The following ERC1 variants were observed in gnomAD, a reference collection of about 807,000 sequenced individuals.
ERC1 encodes the protein ELKS/RAB6-interacting/CAST family member 1.
A neutral mutation model predicts 132.0 loss-of-function variants in ERC1; 56 were observed. That is an observed-to-expected ratio of 0.42 (90% confidence interval 0.34 to 0.53). ERC1 has a LOEUF of 0.53. ERC1 is among the 20% of genes least tolerant of loss of function. The pLI, the probability that ERC1 is intolerant of heterozygous loss-of-function variation, is 0.03. For synonymous variants in ERC1, 478 were observed against 476.1 expected (o/e 1.00, Z -0.05); for missense variants, 1,202 against 1,349.9 (o/e 0.89, Z 1.72).
At chr12:1,227,610 A>C (rs1318833292) in intron 12 of ERC1, among the ~76,000 whole-genome samples, 2 of 151,898 alleles carry the variant, frequency 1.3e-5, no homozygotes, top group Non-Finnish European at 2.9e-5. Context: ...TTGTCTCTTT[A>C]CTCTGTTGAT....
At chr12:1,003,806 G>A (rs1482735165) in intron 1 of ERC1, among the ~76,000 whole-genome samples, 3 of 152,206 alleles carry the variant, frequency 2.0e-5, no homozygotes, top group African/African-American at 7.2e-5. Flanking sequence ...ATAAGCCAAA[G>A]GTTCCTGCTC....
At chr12:1,452,841 G>A (rs1308057488) in intron 18 of ERC1, among the ~76,000 whole-genome samples, 2 of 152,110 alleles carry the variant, frequency 1.3e-5, no homozygotes, top group African/African-American at 4.8e-5. Flanking sequence ...TTAGCATTGG[G>A]GACTGAATCA....
intron 12 of ERC1, among the ~76,000 whole-genome samples, chr12:1,221,140 T>G (rs1326282766): frequency 6.6e-6 from 1 of 152,208 alleles, no homozygotes; most frequent in Non-Finnish European, 1.5e-5. Flanking sequence ...CAGTGAGGGC[T>G]GAGATTTTTG....
intron 2 of ERC1, among the ~76,000 whole-genome samples, chr12:1,048,801 GTATAA>G (rs1340334223): frequency 5.9e-5 from 9 of 152,188 alleles, no homozygotes; most frequent in African/African-American, 1.7e-4. Flanking sequence ...AATTGCACTA[GTATAA>G]TATAATTACG....
At chr12:999,123 G>T (rs988289777) in intron 1 of ERC1, among the ~76,000 whole-genome samples, 4 of 152,140 alleles carry the variant, frequency 2.6e-5, no homozygotes, top group Non-Finnish European at 5.9e-5. Context: ...GCCTCCCAAA[G>T]TGTTGGGATT....
At chr12:1,384,649 C>T (rs1459159762) in intron 16 of ERC1, among the ~76,000 whole-genome samples, 1 of 152,036 alleles carries the variant, frequency 6.6e-6, no homozygotes, top group Non-Finnish European at 1.5e-5. Flanking sequence ...GAAGAAAGAA[C>T]ATCTATCATA....
At chr12:1,008,241 A>G (rs1291432524) in intron 1 of ERC1, among the ~76,000 whole-genome samples, 1 of 152,178 alleles carries the variant, frequency 6.6e-6, no homozygotes, top group African/African-American at 2.4e-5. Flanking sequence ...CGAGCTATTG[A>G]TGGTTGTGGT....
chr12:1,373,040 G>A (rs186874523), intron 16 of ERC1, among the ~76,000 whole-genome samples: 1 of 152,254 alleles, frequency 6.6e-6, no homozygotes, highest in East Asian at 1.9e-4. Context: ...TCTGCAGGAT[G>A]GATAGTTGAC....
chr12:1,289,739 A>T, intron 14 of ERC1, 113 bp from the exon 15 acceptor site: 1 of 729,034 alleles, frequency 1.4e-6, no homozygotes, highest in Non-Finnish European at 2.3e-6. Context: ...AGAATTTTCA[A>T]TGTGTTCCTG....
At chr12:1,250,796 A>G (rs2076424856) in intron 13 of ERC1, among the ~76,000 whole-genome samples, 1 of 152,182 alleles carries the variant, frequency 6.6e-6, no homozygotes, top group Non-Finnish European at 1.5e-5. Context: ...GACTGAAAGG[A>G]GGCTCCTATC....
chr12:1,427,759 G>A (rs2092683264), intron 17 of ERC1, among the ~76,000 whole-genome samples: 1 of 152,136 alleles, frequency 6.6e-6, no homozygotes, highest in Non-Finnish European at 1.5e-5. Flanking sequence ...TATGCCAAAG[G>A]TTAAGGTGGG....
intron 14 of ERC1, among the ~76,000 whole-genome samples, chr12:1,270,446 G>A (rs1285965402): frequency 1.3e-5 from 2 of 152,116 alleles, no homozygotes; most frequent in Admixed American, 1.3e-4. Context: ...GACCTCAGGT[G>A]ACCCACCCGC....
At chr12:1,373,289 G>T (rs10848460) in intron 16 of ERC1, among the ~76,000 whole-genome samples, 64,047 of 152,040 alleles carry the variant, frequency 0.42, 15,047 homozygotes, top group African/African-American at 0.63. Context: ...CACTGCTGTG[G>T]GAGTTTATAT....
intron 12 of ERC1, among the ~76,000 whole-genome samples, chr12:1,218,577 G>A (rs2154293987): frequency 6.6e-6 from 1 of 152,088 alleles, no homozygotes; most frequent in African/African-American, 2.4e-5. Flanking sequence ...AACTGCTCTT[G>A]TCAAGTTATC....
intron 7 of ERC1, among the ~76,000 whole-genome samples, chr12:1,135,003 CA>C (rs1003920433): frequency 3.9e-5 from 6 of 152,300 alleles, no homozygotes; most frequent in African/African-American, 1.4e-4. Context: ...GCTGGGATTA[CA>C]GGCCTAAGCC....
chr12:1,028,268 C>T lies in ERC1; in HGVS notation c.365C>T (p.Thr122Ile). 1 of 1,614,120 alleles carries T rather than the reference C, an allele frequency of 6.2e-7. No individual in the cohort carries two copies. The highest frequency in any genetic ancestry group is 1.1e-5 in the South Asian group (1 of 91,088). The change falls in exon 2 of 19, where the codon ACC becomes ATC. Residue 122 changes from threonine to isoleucine, a missense_variant. Thr to Ile is a moderately conservative substitution (Grantham distance 89, BLOSUM62 -1). Transcript: ENST00000360905. ...NIASSGVASD[T>I]IAFGEHHLPP... ...GCTAGCAGTGGGGTTGCTAGTGACA[C>T]CATAGCATTTGGAGAGCATCACCTC... is the stretch of plus-strand genomic sequence containing the variant.
chr12:995,013 T>C (rs1304029506), intron 1 of ERC1, among the ~76,000 whole-genome samples: 6 of 152,138 alleles, frequency 3.9e-5, no homozygotes, highest in Admixed American at 2.0e-4. Context: ...GGAAAATCTC[T>C]TGAACCCAGG....
chr12:1,439,135 G>A (rs545843878), intron 17 of ERC1, among the ~76,000 whole-genome samples: 4 of 152,250 alleles, frequency 2.6e-5, no homozygotes, highest in Admixed American at 2.0e-4. Flanking sequence ...GCAGTAGAGT[G>A]GGAAGAGAAG....
At chr12:1,136,103 T>C (rs1397855444) in intron 7 of ERC1, among the ~76,000 whole-genome samples, 1 of 152,234 alleles carries the variant, frequency 6.6e-6, no homozygotes, top group Non-Finnish European at 1.5e-5. Flanking sequence ...GAACCCATGT[T>C]TGACTTATCT....
Sources: allele counts gnomAD v4.1 joint callset (sites outside exome capture counted in the v4.1 genomes callset), GRCh38; gene constraint gnomAD v4.1.1; transcripts MANE v1.5; gene names NCBI Gene and HGNC (gene_info 2026-07-23, HGNC 2026-07-21).